SAMD5: variants seen among roughly 807,000 people sequenced by gnomAD.
The protein encoded by SAMD5 is sterile alpha motif domain containing 5, also known as sterile alpha motif domain-containing protein 5.
SAMD5 carries 13 observed loss-of-function variants against 11.3 expected under a neutral mutation model. That is an observed-to-expected ratio of 1.15 (90% CI 0.75 to 1.83). The LOEUF (loss-of-function observed/expected upper bound fraction) is 1.83. SAMD5 is among the 40% of genes most tolerant of loss of function. SAMD5 has a pLI of 0.00. For missense variants in SAMD5, 255 were observed against 239.1 expected, an observed-to-expected ratio of 1.07 and a Z score of -0.44; for synonymous variants, 129 against 111.3, an observed-to-expected ratio of 1.16 and a Z score of -1.00.
chr6:147,874,936 C>T, the SAMD5 span, among the ~76,000 whole-genome samples: 6 of 152,142 alleles, frequency 3.9e-5, no homozygotes, highest in East Asian at 1.2e-3. Context: ...CTGGGAGGCT[C>T]ACATGACTTC....
intron 1 of SAMD5, among the ~76,000 whole-genome samples, chr6:147,691,512 T>A (rs1479883089): frequency 6.6e-6 from 1 of 152,228 alleles, no homozygotes; most frequent in African/African-American, 2.4e-5. Flanking sequence ...AGAGTAATGC[T>A]TGACTTATAA....
intron 1 of SAMD5, among the ~76,000 whole-genome samples, chr6:147,704,255 A>G (rs1252563608): frequency 6.6e-6 from 1 of 152,130 alleles, no homozygotes; most frequent in East Asian, 1.9e-4. Context: ...AGGAATCATA[A>G]GATAGGAGAA....
At chr6:147,862,889 G>C in the SAMD5 span, among the ~76,000 whole-genome samples, 1 of 152,014 alleles carries the variant, frequency 6.6e-6, no homozygotes, top group African/African-American at 2.4e-5. Flanking sequence ...ATTTTAGTCT[G>C]AGTCTAAAGA....
the SAMD5 span, among the ~76,000 whole-genome samples, chr6:147,859,800 T>C: frequency 6.6e-6 from 1 of 152,142 alleles, no homozygotes; most frequent in Non-Finnish European, 1.5e-5. Context: ...CTCACCAAAC[T>C]GCTAAAAATT....
chr6:147,893,600 TGTG>T, the SAMD5 span, among the ~76,000 whole-genome samples: 1 of 152,156 alleles, frequency 6.6e-6, no homozygotes, highest in Non-Finnish European at 1.5e-5. Context: ...TTCCTCAAAA[TGTG>T]GTAGCTTCCA....
intron 1 of SAMD5, among the ~76,000 whole-genome samples, chr6:147,730,469 C>T (rs1791698269): frequency 1.3e-5 from 2 of 152,052 alleles, no homozygotes; most frequent in South Asian, 4.2e-4. Context: ...ATCAAGATAC[C>T]CCAAGGTTTT....
the SAMD5 span, among the ~76,000 whole-genome samples, chr6:147,912,733 A>G: frequency 2.0e-5 from 3 of 152,186 alleles, no homozygotes; most frequent in Non-Finnish European, 4.4e-5. Context: ...ATTACTATGC[A>G]GCTGGAAAAA....
At chr6:147,930,521 A>G in the SAMD5 span, among the ~76,000 whole-genome samples, 9 of 152,196 alleles carry the variant, frequency 5.9e-5, no homozygotes, top group African/African-American at 9.7e-5. Flanking sequence ...GAATTGGCTC[A>G]GAGGATGAAA....
chr6:147,819,205 T>A, the SAMD5 span, among the ~76,000 whole-genome samples: 1 of 152,156 alleles, frequency 6.6e-6, no homozygotes, highest in Non-Finnish European at 1.5e-5. Context: ...GAGGCCATCA[T>A]CCTTAGCAAA....
chr6:147,571,308 C>T (rs553385450), downstream of SAMD5, among the ~76,000 whole-genome samples: 4 of 152,204 alleles, frequency 2.6e-5, no homozygotes, highest in African/African-American at 9.6e-5. Flanking sequence ...TGGTTTATAT[C>T]GTTAATGAAA....
intron 1 of SAMD5, among the ~76,000 whole-genome samples, chr6:147,639,457 G>A (rs17077129): frequency 0.085 from 13,007 of 152,154 alleles, 1,354 homozygotes; most frequent in African/African-American, 0.24. Context: ...AGCACAGCCC[G>A]TGATGAGTAA....
chr6:147,858,827 A>G, the SAMD5 span, among the ~76,000 whole-genome samples: 1 of 152,252 alleles, frequency 6.6e-6, no homozygotes, highest in Admixed American at 6.5e-5. Context: ...TCATTGATTC[A>G]ATAAGTAAAT....
At chr6:147,560,073 T>C (rs1459051049) in intron 1 of SAMD5, among the ~76,000 whole-genome samples, 1 of 152,206 alleles carries the variant, frequency 6.6e-6, no homozygotes, top group Non-Finnish European at 1.5e-5. Context: ...TAGTGAAAAA[T>C]TTTTGTGAAA....
chr6:147,734,439 G>A (rs559284065), intron 1 of SAMD5, among the ~76,000 whole-genome samples: 1 of 152,150 alleles, frequency 6.6e-6, no homozygotes, highest in South Asian at 2.1e-4. Flanking sequence ...GACCCAGACC[G>A]GGCGTGGTGG....
At chr6:147,676,902 G>A (rs11155522) in intron 1 of SAMD5, among the ~76,000 whole-genome samples, 59,686 of 150,546 alleles carry the variant, frequency 0.4, 14,211 homozygotes, top group Admixed American at 0.53. Flanking sequence ...TTGAGGGAGG[G>A]GGAGTGAGAG....
At chr6:147,876,610 C>T in the SAMD5 span, among the ~76,000 whole-genome samples, 1 of 152,132 alleles carries the variant, frequency 6.6e-6, no homozygotes, top group Non-Finnish European at 1.5e-5. Context: ...AAAATAAATT[C>T]TATTATCTGC....
At chr6:147,820,059 G>A in the SAMD5 span, among the ~76,000 whole-genome samples, 1 of 152,130 alleles carries the variant, frequency 6.6e-6, no homozygotes, top group Non-Finnish European at 1.5e-5. Flanking sequence ...TCGGGTGTGG[G>A]GGATTAAGGT....
the SAMD5 span, among the ~76,000 whole-genome samples, chr6:147,899,192 A>T: frequency 6.9e-6 from 1 of 145,362 alleles, no homozygotes; most frequent in Non-Finnish European, 1.5e-5. Flanking sequence ...AAAAAAAAAA[A>T]AGATAACGTG....
the SAMD5 span, among the ~76,000 whole-genome samples, chr6:147,940,059 C>T: frequency 1.1e-4 from 16 of 152,022 alleles, 1 homozygote; most frequent in South Asian, 3.3e-3. Flanking sequence ...CCTGCAAAGC[C>T]CAGAGGTTAG....
Sources: gnomAD v4.1 joint callset for allele counts (sites outside exome capture counted in the v4.1 genomes callset) on GRCh38, gnomAD v4.1.1 for gene constraint, MANE v1.5 for transcripts, NCBI Gene and HGNC (gene_info 2026-07-23, HGNC 2026-07-21) for gene names.